The following TUSC3 variants were observed in gnomAD, a reference collection of about 807,000 sequenced individuals.
The protein encoded by TUSC3 is tumor suppressor candidate 3, also known as dolichyl-diphosphooligosaccharide--protein glycosyltransferase subunit TUSC3.
Under a neutral mutation model 44.8 loss-of-function variants are expected in TUSC3, and 45 were observed. That is an observed-to-expected ratio of 1.00 (90% CI 0.79 to 1.29). TUSC3 has a LOEUF of 1.29. Ranked by LOEUF, TUSC3 falls within the 50% of genes most tolerant of loss-of-function variation. The pLI is 0.00. For missense variants in TUSC3, 519 were observed against 437.9 expected (o/e 1.19, Z -1.65); for synonymous variants, 212 against 152.9 (o/e 1.39, Z -2.85).
At chr8:15,421,031 A>G (rs1276366538) in intron 1 of TUSC3, among the ~76,000 whole-genome samples, 1 of 152,108 alleles carries the variant, frequency 6.6e-6, no homozygotes, top group Admixed American at 6.5e-5. Context: ...TGAACTCTGC[A>G]CTTATATATC....
intron 2 of TUSC3, among the ~76,000 whole-genome samples, chr8:15,627,577 G>T (rs1178556184): frequency 1.3e-5 from 2 of 152,218 alleles, no homozygotes; most frequent in Non-Finnish European, 2.9e-5. Context: ...GCCCTTTGGG[G>T]AGCCCAGACC....
At chr8:15,623,034 A>G (rs779898305) in intron 1 of TUSC3, 46 bp from the exon 2 acceptor site, 2 of 1,583,676 alleles carry the variant, frequency 1.3e-6, no homozygotes, top group Non-Finnish European at 1.7e-6. Context: ...TTCAAACAAA[A>G]GGACTTTGAC....
intron 6 of TUSC3, among the ~76,000 whole-genome samples, chr8:15,688,595 C>G (rs996689986): frequency 6.6e-6 from 1 of 152,094 alleles, no homozygotes. Context: ...CAAGTATACC[C>G]TAGTATCTGT....
intron 4 of TUSC3, among the ~76,000 whole-genome samples, chr8:15,661,194 A>G (rs1807407647): frequency 6.6e-6 from 1 of 152,036 alleles, no homozygotes; most frequent in Non-Finnish European, 1.5e-5. Flanking sequence ...TCATAGGTTT[A>G]CATTTACATA....
chr8:15,815,988 T>C, the TUSC3 span, among the ~76,000 whole-genome samples: 1 of 152,108 alleles, frequency 6.6e-6, no homozygotes, highest in Admixed American at 6.6e-5. Context: ...TCTGGCAGGG[T>C]TGTCAGAAGA....
chr8:15,680,537 G>A (rs1212099681), intron 6 of TUSC3, among the ~76,000 whole-genome samples: 1 of 152,100 alleles, frequency 6.6e-6, no homozygotes, highest in Non-Finnish European at 1.5e-5. Flanking sequence ...TCTGCAAAGA[G>A]AGATACTTTG....
chr8:15,513,110 C>A (rs895942335), intron 2 of TUSC3, among the ~76,000 whole-genome samples: 1 of 151,024 alleles, frequency 6.6e-6, no homozygotes, highest in African/African-American at 2.4e-5. Flanking sequence ...AATCTAGCCA[C>A]CTAAACAGTA....
At position 15,580,859 on chromosome 8, in the gene TUSC3, T is replaced by C. The variant is rs933189292; in HGVS notation, c.138+40291T>C. Among the ~76,000 whole-genome samples the C allele has an allele frequency of 1.8e-4, 26 of 143,750 alleles. 3 individuals carry two copies. Among genetic ancestry groups the C allele is most frequent in the African/African-American group, 6.5e-4 (24 of 36,950 alleles). The allele number at this position is 143,750 out of a possible 152,430, so 94.3% of individuals were successfully genotyped here. ...CCCTGTATTTCCTTAATCTGAACGT[T>C]GGCCTGCCTTGCTAGATTGGGGAAG... On this transcript the variant is annotated intron_variant, in intron 1 of 10. Coordinates refer to ENST00000503731, the MANE Select transcript of TUSC3 (RefSeq NM_006765.4).
chr8:15,564,241 A>T (rs4831743), intron 1 of TUSC3, among the ~76,000 whole-genome samples: 20,619 of 152,152 alleles, frequency 0.14, 1,848 homozygotes, highest in Non-Finnish European at 0.2. Context: ...TATTATGGAG[A>T]ATAGTAGATA....
chr8:15,525,878 A>G (rs996093765), intron 2 of TUSC3, among the ~76,000 whole-genome samples: 1 of 152,178 alleles, frequency 6.6e-6, no homozygotes, highest in Non-Finnish European at 1.5e-5. Context: ...AGTAGTCACA[A>G]AGTACGTAGG....
intron 1 of TUSC3, among the ~76,000 whole-genome samples, chr8:15,434,703 A>G (rs952875839): frequency 4.7e-5 from 7 of 149,268 alleles, no homozygotes; most frequent in Non-Finnish European, 1.0e-4. Flanking sequence ...ACCCCACAAC[A>G]GGCCCCGGTG....
At chr8:15,811,708 T>G in the TUSC3 span, among the ~76,000 whole-genome samples, 1 of 152,246 alleles carries the variant, frequency 6.6e-6, no homozygotes, top group East Asian at 1.9e-4. Context: ...AGGAAGTGAA[T>G]AGGTGGCAGG....
chr8:15,509,550 G>A (rs77571113), intron 2 of TUSC3, among the ~76,000 whole-genome samples: 2 of 152,218 alleles, frequency 1.3e-5, no homozygotes, highest in African/African-American at 4.8e-5. Context: ...TGAGGTTGCA[G>A]TGAGCCGAGA....
the TUSC3 span, among the ~76,000 whole-genome samples, chr8:15,775,294 G>T: frequency 6.6e-6 from 1 of 152,070 alleles, no homozygotes; most frequent in Admixed American, 6.6e-5. Flanking sequence ...GGTTGCCAGG[G>T]GTTGGATGAG....
At chr8:15,565,213 C>T (rs1481607481) in intron 1 of TUSC3, among the ~76,000 whole-genome samples, 2 of 151,194 alleles carry the variant, frequency 1.3e-5, no homozygotes, top group African/African-American at 4.9e-5. Context: ...GCTGGCATTC[C>T]TCATTATTTC....
At chr8:15,553,761 G>T (rs1304266031) in intron 1 of TUSC3, among the ~76,000 whole-genome samples, 1 of 151,726 alleles carries the variant, frequency 6.6e-6, no homozygotes, top group Non-Finnish European at 1.5e-5. Flanking sequence ...AGAGTTAAGT[G>T]GTGGTAGCTG....
At chr8:15,635,125 C>T (rs1234216804) in intron 2 of TUSC3, among the ~76,000 whole-genome samples, 1 of 151,902 alleles carries the variant, frequency 6.6e-6, no homozygotes, top group African/African-American at 2.4e-5. Context: ...CTCAAGGTAA[C>T]TGTCAAGGAA....
At chr8:15,696,179 C>T (rs564911552) in intron 6 of TUSC3, among the ~76,000 whole-genome samples, 71 of 152,252 alleles carry the variant, frequency 4.7e-4, no homozygotes, top group African/African-American at 1.7e-3. Flanking sequence ...AAAATAGTTT[C>T]GTGGGCTGGG....
rs352809 is a variant in TUSC3, at chr8:15,764,945, C to T, written c.*789C>T. The T allele has an allele frequency of 0.75, 113,361 of 151,706 alleles. 42,540 individuals are homozygous for T. Among genetic ancestry groups the T allele is most frequent in the African/African-American group, 0.81 (33,282 of 41,332 alleles). 9.4% of individuals were successfully genotyped at this position (151,706 alleles called of 1,614,324 possible). Reference sequence around the variant, plus strand: ...ACACACTATCCATTTTCGAGCAAACCTAACCCACTATATCCATTTTGCTCA... The same window carrying T: ...ACACACTATCCATTTTCGAGCAAACTTAACCCACTATATCCATTTTGCTCA... On this transcript the variant is annotated 3_prime_UTR_variant, in exon 11 of 11. Transcript: ENST00000503731.
Sources: gnomAD v4.1 joint callset for allele counts (sites outside exome capture counted in the v4.1 genomes callset) on GRCh38, gnomAD v4.1.1 for gene constraint, MANE v1.5 for transcripts, NCBI Gene and HGNC (gene_info 2026-07-23, HGNC 2026-07-21) for gene names.